The following NFE2L3 variants were observed in gnomAD, a reference collection of about 807,000 sequenced individuals.
NFE2L3 encodes the protein NFE2 like bZIP transcription factor 3, also known as nuclear factor erythroid 2-related factor 3.
Under a neutral mutation model 23.5 loss-of-function variants are expected in NFE2L3, and 18 were observed. The ratio of observed to expected loss-of-function variants is 0.77; its 90% confidence interval spans 0.53 to 1.13. The LOEUF (loss-of-function observed/expected upper bound fraction) is 1.13, where lower values mean the gene tolerates loss of function less well. Ranked by LOEUF, NFE2L3 falls within the 50% of genes most tolerant of loss-of-function variation. The pLI is 0.00. For missense variants in NFE2L3, 1,152 were observed against 877.2 expected (o/e 1.31, Z -3.96); for synonymous variants, 424 against 354.5 (o/e 1.20, Z -2.20).
chr7:26,152,679 C>A lies in NFE2L3; in HGVS notation c.181C>A (p.Pro61Thr). The A allele has an allele frequency of 6.7e-7, 1 of 1,485,444 alleles. No homozygotes were observed. The highest frequency in any genetic ancestry group is 8.9e-7 in the Non-Finnish European group (1 of 1,124,806). The allele number at this position is 1,485,444 out of a possible 1,614,324, so 92.0% of individuals were successfully genotyped here. A position where few individuals can be genotyped will look rare whatever the true frequency, so the allele number is the denominator to read the frequency against. ...GGCCAGCTCCGCCTACGCGCTCAGC[C>A]CCTTCTCGGCCTCGGGAGGGTGGGG... The part of the protein sequence containing the change: ...GPASSAYALS[P>T]FSASGGWGRA... The change falls in exon 1 of 4, where the codon CCC becomes ACC. Residue 61 changes from proline (P) to threonine (T), a missense_variant. Coordinates refer to ENST00000056233, the MANE Select transcript of NFE2L3 (RefSeq NM_004289.7). The surrounding 1 kb of genome is among the most constrained non-coding windows in gnomAD (Gnocchi z 4.4).
rs1562679998 is a variant in NFE2L3 at position 26,184,621 on chromosome 7, C to CTA, written c.926_927dup (p.Ser310Ter). The CTA allele has an allele frequency of 1.2e-6, 2 of 1,613,798 alleles. No homozygotes were observed. Among genetic ancestry groups the CTA allele is most frequent in the Admixed American group, 1.7e-5 (1 of 60,014 alleles). ...CATTATCATGTAAACTTCAGCCAGGCTATAAGTCAGGATGTGAATCTTCAT... is the reference window on the plus strand; with the variant it reads ...CATTATCATGTAAACTTCAGCCAGGCTATATAAGTCAGGATGTGAATCTTCAT... On this transcript the variant is annotated frameshift_variant, in exon 4 of 4. Coordinates refer to ENST00000056233, the MANE Select transcript of NFE2L3 (RefSeq NM_004289.7). LOFTEE classifies it low-confidence loss of function (END_TRUNC).
intron 2 of NFE2L3, among the ~76,000 whole-genome samples, chr7:26,179,173 C>T (rs1055983673): frequency 6.6e-6 from 1 of 152,062 alleles, no homozygotes; most frequent in African/African-American, 2.4e-5. Context: ...TAATGAAAAT[C>T]GCTCTGGCCA....
At position 26,184,762 on chromosome 7, in the gene NFE2L3, C is replaced by A; in HGVS notation, c.1064C>A (p.Thr355Asn). 2 of 1,613,894 alleles carry A rather than the reference C, an allele frequency of 1.2e-6. No homozygotes were observed. ...TCTCATACCACCAATCCTGAGCAAA[C>A]CCTTCCTGGAACTAATTTGACAGGA... is the stretch of plus-strand genomic sequence containing the variant. ...LNSHTTNPEQTLPGTNLTGFL... is the reference protein window; with the variant it reads ...LNSHTTNPEQNLPGTNLTGFL... The change falls in exon 4 of 4, where the codon ACC (threonine) becomes AAC (asparagine). Residue 355 changes from threonine to asparagine, a missense_variant. Coordinates refer to ENST00000056233, the MANE Select transcript of NFE2L3 (RefSeq NM_004289.7).
chr7:26,164,195 T>G (rs1784212983), intron 1 of NFE2L3, among the ~76,000 whole-genome samples: 1 of 152,244 alleles, frequency 6.6e-6, no homozygotes, highest in African/African-American at 2.4e-5. Context: ...CTAGGTCAAA[T>G]GGCATTTCTA....
intron 1 of NFE2L3, among the ~76,000 whole-genome samples, chr7:26,164,612 G>A (rs1369516382): frequency 6.6e-6 from 1 of 152,130 alleles, no homozygotes; most frequent in Non-Finnish European, 1.5e-5. Flanking sequence ...TAGGTTGCCT[G>A]TTCACTCTGA....
At chr7:26,162,869 C>A (rs534841201) in intron 1 of NFE2L3, among the ~76,000 whole-genome samples, 1 of 152,060 alleles carries the variant, frequency 6.6e-6, no homozygotes, top group Non-Finnish European at 1.5e-5. Context: ...CGCACCACCA[C>A]GCCTGGCTGA....
At chr7:26,156,122 A>C (rs950095221) in intron 1 of NFE2L3, among the ~76,000 whole-genome samples, 1 of 152,174 alleles carries the variant, frequency 6.6e-6, no homozygotes, top group Non-Finnish European at 1.5e-5. Context: ...ACCTTGGACA[A>C]GTTGCTTATC....
chr7:26,179,065 G>A (rs1490972774), intron 2 of NFE2L3, among the ~76,000 whole-genome samples: 1 of 152,038 alleles, frequency 6.6e-6, no homozygotes, highest in African/African-American at 2.4e-5. Context: ...CAGAAAACAG[G>A]TTTGTTCTCT....
chr7:26,184,264 T>TTGTAACATTAGACTTTTTA, intron 3 of NFE2L3: 1 of 416,918 alleles, frequency 2.4e-6, no homozygotes, highest in South Asian at 3.5e-5. Context: ...AATTACAAGA[T>TTGTAACATTAGACTTTTTA]TGTAACATTA....
rs1262173195 is a variant in NFE2L3, at chr7:26,176,856, G to A, written c.571-1087G>A. Among the ~76,000 whole-genome samples, 9 of 123,238 alleles carry A rather than the reference G, an allele frequency of 7.3e-5. 1 individual carries two copies. Among genetic ancestry groups the A allele is most frequent in the East Asian group, 2.5e-4 (1 of 3,986 alleles). 80.8% of individuals were successfully genotyped at this position (123,238 alleles called of 152,430 possible). On this transcript the variant is annotated intron_variant, in intron 1 of 3. Coordinates refer to ENST00000056233, the MANE Select transcript of NFE2L3 (RefSeq NM_004289.7). ...CTCACTTCCCAGACGATGGGTGGCC[G>A]GGCAGAGGCACTCCTCACCTCCCAG...
intron 1 of NFE2L3, among the ~76,000 whole-genome samples, chr7:26,170,669 T>G (rs1379604881): frequency 6.6e-6 from 1 of 152,220 alleles, no homozygotes; most frequent in Admixed American, 6.5e-5. Flanking sequence ...GGGATTTCTT[T>G]CAAATATTCC....
rs187465671 is a variant in NFE2L3 at position 26,184,459 on chromosome 7, A to T, written c.835-74A>T. 3.7e-4 allele frequency: 508 copies of T among 1,371,574 alleles called. 1 individual carries two copies. The highest frequency in any genetic ancestry group is 8.7e-4 in the African/African-American group (60 of 68,972). 85.0% of individuals were successfully genotyped at this position (1,371,574 alleles called of 1,614,324 possible). A position where few individuals can be genotyped will look rare whatever the true frequency, so the allele number is the denominator to read the frequency against. On this transcript the variant is annotated intron_variant, in intron 3 of 3. Coordinates refer to ENST00000056233, the MANE Select transcript of NFE2L3 (RefSeq NM_004289.7). ...GAGGAATTGACAAAAGAGGGGAAAG[A>T]AAGTTGTTAGGTAATAGAACTGCTT...
chr7:26,165,892 C>A (rs1784243139), intron 1 of NFE2L3, among the ~76,000 whole-genome samples: 1 of 152,112 alleles, frequency 6.6e-6, no homozygotes, highest in South Asian at 2.1e-4. Context: ...GGCCAGGATT[C>A]TTTAATAATC....
intron 3 of NFE2L3, chr7:26,184,308 T>TAATCC (rs1782418318): frequency 3.9e-6 from 2 of 507,620 alleles, no homozygotes; most frequent in Admixed American, 7.4e-5. Flanking sequence ...GCTTTTATAC[T>TAATCC]AATCCATCTT....
At chr7:26,182,638 TGTAACAAAAA>T (rs1782337691) in intron 2 of NFE2L3, among the ~76,000 whole-genome samples, 1 of 150,214 alleles carries the variant, frequency 6.7e-6, no homozygotes, top group Admixed American at 6.6e-5. Flanking sequence ...AATAATTCCA[TGTAACAAAAA>T]CTGGGTTTAC....
At chr7:26,158,180 C>T (rs1450611534) in intron 1 of NFE2L3, among the ~76,000 whole-genome samples, 1 of 152,158 alleles carries the variant, frequency 6.6e-6, no homozygotes, top group Non-Finnish European at 1.5e-5. Context: ...TCCCAAGTAG[C>T]TGAGATTACA....
chr7:26,155,070 C>A (rs1296263242), intron 1 of NFE2L3, among the ~76,000 whole-genome samples: 2 of 152,244 alleles, frequency 1.3e-5, no homozygotes, highest in South Asian at 2.1e-4. Flanking sequence ...ACAGTTGTCA[C>A]GGCCAGTTCA....
At chr7:26,162,667 G>A (rs1204783783) in intron 1 of NFE2L3, among the ~76,000 whole-genome samples, 1 of 151,494 alleles carries the variant, frequency 6.6e-6, no homozygotes, top group Admixed American at 6.6e-5. Flanking sequence ...TTTTTCAGCT[G>A]TTTCTCTGCC....
rs1458534512 is a variant in NFE2L3, at chr7:26,186,568, C to CCAGAGA, written c.*790_*795dup. On this transcript the variant is annotated 3_prime_UTR_variant, in exon 4 of 4. Coordinates refer to ENST00000056233, the MANE Select transcript of NFE2L3 (RefSeq NM_004289.7). Reference sequence around the variant, plus strand: ...TGAGCCACAGGCCTTCCTCATGTAACCAGAGACAGAATGGGCTACTTGCAA... The same window carrying CCAGAGA: ...TGAGCCACAGGCCTTCCTCATGTAACCAGAGACAGAGACAGAATGGGCTACTTGCAA... The CCAGAGA allele has an allele frequency of 6.6e-6, 1 of 152,140 alleles. No homozygotes were observed. The highest frequency in any genetic ancestry group is 1.5e-5 in the Non-Finnish European group (1 of 68,040). The allele number at this position is 152,140 out of a possible 1,614,324, so 9.4% of individuals were successfully genotyped here.
Sources: gnomAD v4.1 joint callset for allele counts (sites outside exome capture counted in the v4.1 genomes callset) on GRCh38, gnomAD v4.1.1 for gene constraint, Gnocchi (gnomAD v3.1) non-coding constraint, MANE v1.5 for transcripts, NCBI Gene and HGNC (gene_info 2026-07-23, HGNC 2026-07-21) for gene names.